Variants in EML6 observed in about 807,000 individuals in gnomAD.
EML6 encodes the protein echinoderm microtubule-associated protein-like 6.
In EML6, 154 loss-of-function variants were observed where a neutral mutation model predicts 240.1. The ratio of observed to expected loss-of-function variants is 0.64; its 90% CI spans 0.56 to 0.73. The LOEUF is 0.73. Ranked by LOEUF, EML6 falls within the 30% of genes least tolerant of loss-of-function variation. The pLI is 0.00. For missense variants in EML6, 2,964 were observed against 2,474.6 expected, an observed-to-expected ratio of 1.20 and a Z score of -4.20; for synonymous variants, 1,148 against 899.0, an observed-to-expected ratio of 1.28 and a Z score of -4.95.
At chr2:54,735,145 C>G (rs899613864) in intron 2 of EML6, among the ~76,000 whole-genome samples, 2 of 152,210 alleles carry the variant, frequency 1.3e-5, no homozygotes, top group Non-Finnish European at 2.9e-5. Context: ...GCCACCTCTC[C>G]CTGAAGCCTT....
intron 13 of EML6, among the ~76,000 whole-genome samples, chr2:54,864,828 T>C (rs1242198404): frequency 1.3e-5 from 2 of 152,198 alleles, no homozygotes; most frequent in African/African-American, 4.8e-5. Flanking sequence ...AGCATTAAAT[T>C]GGAATATTTT....
In EML6 at chr2:54,866,897, T is replaced by A; in HGVS notation, c.2051+13T>A. 6.8e-7 allele frequency: 1 copy of A among 1,473,910 alleles called. No individual in the cohort carries two copies. Among genetic ancestry groups the A allele is most frequent in the Non-Finnish European group, 9.3e-7 (1 of 1,076,648 alleles). The allele number at this position is 1,473,910 out of a possible 1,614,324, so 91.3% of individuals were successfully genotyped here. On this transcript the variant is annotated intron_variant, in intron 14 of 41. Transcript: ENST00000356458. ...AGTTCATACACGGGTGGGTGGCCTG[T>A]CATGGGCGCCCGTATGTGTTCCTCT...
In EML6 at chr2:54,853,672, A is replaced by G; in HGVS notation, c.1474A>G (p.Ile492Val). ...GAAGCCTTTAACAAGTAAAGAAGAAATTAAAGGGATTCCTTGGGCCTCCTG... is the reference window on the plus strand; with the variant it reads ...GAAGCCTTTAACAAGTAAAGAAGAAGTTAAAGGGATTCCTTGGGCCTCCTG... ...SGKPLTSKEE[I>V]KGIPWASWTC... The change falls in exon 11 of 42, where the codon ATT becomes GTT. Residue 492 changes from isoleucine (I) to valine (V), a missense_variant. Transcript: ENST00000356458. 1 of 1,548,848 alleles carries G rather than the reference A, an allele frequency of 6.5e-7. No homozygotes were observed. Among genetic ancestry groups the G allele is most frequent in the Non-Finnish European group, 8.7e-7 (1 of 1,145,376 alleles).
chr2:54,836,027 C>T (rs1015000447), intron 7 of EML6, among the ~76,000 whole-genome samples: 3 of 152,188 alleles, frequency 2.0e-5, no homozygotes, highest in African/African-American at 7.2e-5. Context: ...GCCTCTGTCA[C>T]CGCTCTCCCT....
At chr2:54,949,180 C>T (rs1271708727) in intron 29 of EML6, among the ~76,000 whole-genome samples, 1 of 152,116 alleles carries the variant, frequency 6.6e-6, no homozygotes, top group East Asian at 1.9e-4. Flanking sequence ...GCCCTGTCAC[C>T]AGGTCCTTTC....
At chr2:54,965,426 G>T (rs1676705979) in intron 38 of EML6, among the ~76,000 whole-genome samples, 1 of 152,202 alleles carries the variant, frequency 6.6e-6, no homozygotes, top group Non-Finnish European at 1.5e-5. Flanking sequence ...CACCTTGCCG[G>T]CTGCCTAGAC....
intron 2 of EML6, among the ~76,000 whole-genome samples, chr2:54,784,342 A>G (rs1479143574): frequency 1.3e-5 from 2 of 152,306 alleles, no homozygotes; most frequent in African/African-American, 4.8e-5. Context: ...TTTTTGCTAT[A>G]TTAGAATAAA....
At chr2:54,907,128 T>C (rs1673366098) in intron 24 of EML6, among the ~76,000 whole-genome samples, 1 of 152,118 alleles carries the variant, frequency 6.6e-6, no homozygotes, top group Non-Finnish European at 1.5e-5. Context: ...AGAAAAAATG[T>C]ATGGAGGGAG....
In EML6 at chr2:54,892,466, C is replaced by T. The variant is rs1270844805; in HGVS notation, c.2552C>T (p.Thr851Ile). ...KFWQQAGGGFTSKRGTFGSVG... is the reference protein window; with the variant it reads ...KFWQQAGGGFISKRGTFGSVG... ...TGGTCCACTCTAGGTGGGGGCTTCA[C>T]TTCTAAAAGAGGAACTTTTGGAAGC... The change falls in exon 19 of 42, where the codon ACT (threonine) becomes ATT (isoleucine). Residue 851 changes from threonine (T) to isoleucine (I), a missense_variant. Coordinates refer to ENST00000356458, the MANE Select transcript of EML6 (RefSeq NM_001039753.4). 2.4e-5 allele frequency: 37 copies of T among 1,550,990 alleles called. No homozygotes were observed. The highest frequency in any genetic ancestry group is 3.2e-5 in the Non-Finnish European group (37 of 1,146,546).
At position 54,891,248 on chromosome 2, in the gene EML6, C is replaced by G. The variant is rs1672453125; in HGVS notation, c.2539+94C>G. 15 of 583,362 alleles carry G rather than the reference C, an allele frequency of 2.6e-5. No individual in the cohort carries two copies. The East Asian group carries it at 4.2e-4, about 16-fold the overall frequency. 36.1% of individuals were successfully genotyped at this position (583,362 alleles called of 1,614,324 possible). ...AAACTGTTGCTACTACCTCGCTTGTCTCTGCAATCTAAAATAAAAATGTGC... is the reference window on the plus strand; with the variant it reads ...AAACTGTTGCTACTACCTCGCTTGTGTCTGCAATCTAAAATAAAAATGTGC... On this transcript the variant is annotated intron_variant, in intron 18 of 41. Transcript: ENST00000356458.
chr2:54,907,488 C>T (rs1000377158), intron 24 of EML6, among the ~76,000 whole-genome samples: 1 of 152,194 alleles, frequency 6.6e-6, no homozygotes, highest in African/African-American at 2.4e-5. Context: ...GCCTGGGTAA[C>T]AGAGCGAGAC....
intron 5 of EML6, among the ~76,000 whole-genome samples, chr2:54,825,200 A>T (rs959786898): frequency 6.6e-6 from 1 of 152,208 alleles, no homozygotes; most frequent in African/African-American, 2.4e-5. Context: ...TTTAATCTTC[A>T]TGCATGAGGA....
chr2:54,909,416 T>C (rs1673521742), intron 24 of EML6, among the ~76,000 whole-genome samples: 1 of 152,172 alleles, frequency 6.6e-6, no homozygotes, highest in African/African-American at 2.4e-5. Flanking sequence ...TTCAGATATA[T>C]TTGCTCAAGT....
At chr2:54,804,436 T>C (rs566900702) in intron 2 of EML6, among the ~76,000 whole-genome samples, 6 of 152,352 alleles carry the variant, frequency 3.9e-5, no homozygotes, top group Admixed American at 3.3e-4. Context: ...GCAGTATTTC[T>C]TCTTTTTCAA....
Position 54,887,727 on chromosome 2 carries a change from G to A in EML6, c.2439-3327G>A, listed in dbSNP as rs1297571647. ...CTGTTTTTTCCATATGGCTACCAAG[G>A]TGTTCCATTTTTTCCCTTTTTAAAT... On this transcript the variant is annotated intron_variant, in intron 17 of 41. Transcript: ENST00000356458. Among the ~76,000 whole-genome samples the A allele has an allele frequency of 3.3e-5, 5 of 152,102 alleles. No individual in the cohort carries two copies. The East Asian group carries it at 5.8e-4, about 18-fold the overall frequency.
chr2:54,898,576 G>T (rs1672893336), intron 21 of EML6, among the ~76,000 whole-genome samples: 1 of 152,166 alleles, frequency 6.6e-6, no homozygotes, highest in Non-Finnish European at 1.5e-5. Context: ...AATGTCAGTT[G>T]TATTTGGAAC....
chr2:54,836,643 C>T (rs753568066), intron 7 of EML6, among the ~76,000 whole-genome samples: 10 of 152,112 alleles, frequency 6.6e-5, no homozygotes, highest in Admixed American at 2.0e-4. Context: ...CCTCAAACTC[C>T]CCTGGGGGTC....
chr2:54,836,221 G>A (rs1201984449), intron 7 of EML6, among the ~76,000 whole-genome samples: 3 of 152,178 alleles, frequency 2.0e-5, no homozygotes, highest in Non-Finnish European at 4.4e-5. Context: ...GGCCTGGCTT[G>A]TAGTAATTCC....
intron 15 of EML6, 38 bp from the exon 16 acceptor site, chr2:54,871,462 C>A: frequency 1.4e-6 from 2 of 1,425,148 alleles, no homozygotes; most frequent in Non-Finnish European, 1.9e-6. Flanking sequence ...GTTAGTATAA[C>A]GTGTTAGTAG....
Sources: allele counts gnomAD v4.1 joint callset (sites outside exome capture counted in the v4.1 genomes callset), GRCh38; gene constraint gnomAD v4.1.1; transcripts MANE v1.5; gene names NCBI Gene and HGNC (gene_info 2026-07-23, HGNC 2026-07-21).